Variants in SORCS2 observed in about 807,000 individuals in gnomAD.
The protein encoded by SORCS2 is sortilin related VPS10 domain containing receptor 2, also known as VPS10 domain-containing receptor SorCS2.
A neutral mutation model predicts 141.6 loss-of-function variants in SORCS2; 100 were observed. The observed-to-expected ratio is 0.71, with a 90% CI of 0.60 to 0.83. The LOEUF is 0.83. Ranked by LOEUF, SORCS2 falls within the 40% of genes least tolerant of loss-of-function variation. The pLI is 0.00. For synonymous variants in SORCS2, 789 were observed against 676.9 expected (o/e 1.17, Z -2.57); for missense variants, 1,646 against 1,560.2 (o/e 1.05, Z -0.93).
rs1712575809 is a variant in SORCS2, at chr4:7,740,454, C to G, written c.*190C>G. 6.7e-6 allele frequency: 4 copies of G among 593,778 alleles called. No homozygotes were observed. Among genetic ancestry groups the G allele is most frequent in the Non-Finnish European group, 1.2e-5 (4 of 332,240 alleles). 36.8% of individuals were successfully genotyped at this position (593,778 alleles called of 1,614,324 possible). On this transcript the variant is annotated 3_prime_UTR_variant, in exon 27 of 27. Transcript: ENST00000507866. ...GGCCCACGGGGGGCCCACGGGACCC[C>G]CCGGGACTCCCCGGACATGGCCCTG...
chr4:7,247,304 A>AT (rs79083234), intron 1 of SORCS2, among the ~76,000 whole-genome samples: 135 of 142,534 alleles, frequency 9.5e-4, no homozygotes, highest in Middle Eastern at 3.5e-3. Context: ...TCTATCTTTA[A>AT]TTTTTTTTTT....
intron 2 of SORCS2, among the ~76,000 whole-genome samples, chr4:7,424,634 G>A (rs1434677856): frequency 2.0e-5 from 3 of 152,250 alleles, no homozygotes; most frequent in African/African-American, 7.2e-5. Context: ...CTAACGTGAC[G>A]TGTGACCCCC....
At chr4:7,605,695 G>A (rs1718012702) in intron 3 of SORCS2, among the ~76,000 whole-genome samples, 1 of 152,082 alleles carries the variant, frequency 6.6e-6, no homozygotes, top group Admixed American at 6.6e-5. Flanking sequence ...GGATGTTTTG[G>A]GATCCCTTGC....
intron 2 of SORCS2, among the ~76,000 whole-genome samples, chr4:7,476,803 T>C (rs1730325749): frequency 6.6e-6 from 1 of 152,200 alleles, no homozygotes; most frequent in South Asian, 2.1e-4. Flanking sequence ...TCCACGACTC[T>C]GGTCATCATT....
At chr4:7,574,837 G>T (rs936431061) in intron 3 of SORCS2, among the ~76,000 whole-genome samples, 3 of 152,196 alleles carry the variant, frequency 2.0e-5, no homozygotes, top group African/African-American at 7.2e-5. Context: ...GGGATGACTT[G>T]AGTGAAGGAG....
chr4:7,544,950 A>G (rs1713129135), intron 3 of SORCS2, among the ~76,000 whole-genome samples: 1 of 152,182 alleles, frequency 6.6e-6, no homozygotes, highest in South Asian at 2.1e-4. Context: ...ATCCCTTCCA[A>G]TCAGCGATGT....
rs548818343 is a variant in SORCS2, at chr4:7,660,653, G to A, written c.888-847G>A. ...CTGGGCAGGAGCCTGAGACTGCCCT[G>A]GTCTGAGCCATGTTGCCTCAGGCAA... On this transcript the variant is annotated intron_variant, in intron 5 of 26. Coordinates refer to ENST00000507866, the MANE Select transcript of SORCS2 (RefSeq NM_020777.3). Among the ~76,000 whole-genome samples the A allele has an allele frequency of 5.9e-5, 9 of 152,302 alleles. No homozygotes were observed. The South Asian group carries it at 1.9e-3, about 32-fold the overall frequency.
At chr4:7,390,092 A>G (rs1577488146) in intron 1 of SORCS2, among the ~76,000 whole-genome samples, 1 of 152,320 alleles carries the variant, frequency 6.6e-6, no homozygotes, top group Middle Eastern at 3.4e-3. Flanking sequence ...TGTGCAGCTT[A>G]GCCAGGGAGA....
intron 1 of SORCS2, among the ~76,000 whole-genome samples, chr4:7,247,409 T>C (rs969267104): frequency 1.3e-5 from 2 of 152,190 alleles, no homozygotes; most frequent in Non-Finnish European, 2.9e-5. Flanking sequence ...TTGGAATGAA[T>C]AAACAATGCA....
chr4:7,601,915 A>G (rs184284567), intron 3 of SORCS2, among the ~76,000 whole-genome samples: 6,344 of 152,304 alleles, frequency 0.042, 244 homozygotes, highest in East Asian at 0.15. Context: ...AACAAAGCAC[A>G]TCTTGCACCG....
In SORCS2 at chr4:7,541,528, C is replaced by T. The variant is rs576308665; in HGVS notation, c.648+9899C>T. 9.5e-4 allele frequency among the ~76,000 whole-genome samples: 145 copies of T among 152,332 alleles called. 1 individual carries two copies. Among genetic ancestry groups the T allele is most frequent in the African/African-American group, 2.8e-3 (115 of 41,574 alleles). On this transcript the variant is annotated intron_variant, in intron 3 of 26. Coordinates refer to ENST00000507866, the MANE Select transcript of SORCS2 (RefSeq NM_020777.3). ...TCAGGAGGGGCGATCACTCAGGAGC[C>T]CTGAGCCAGGCTTGCTTATGGGCAG...
At chr4:7,255,335 G>C (rs1713783335) in intron 1 of SORCS2, among the ~76,000 whole-genome samples, 1 of 152,144 alleles carries the variant, frequency 6.6e-6, no homozygotes, top group Admixed American at 6.5e-5. Context: ...GGAGATCCTT[G>C]TTCATCTTCA....
intron 1 of SORCS2, among the ~76,000 whole-genome samples, chr4:7,205,607 G>T (rs1727687448): frequency 1.3e-5 from 2 of 152,216 alleles, no homozygotes; most frequent in Admixed American, 1.3e-4. Context: ...TGATACATTT[G>T]TGACTTGTTG....
chr4:7,465,905 A>G (rs1374923218), intron 2 of SORCS2, among the ~76,000 whole-genome samples: 5 of 152,188 alleles, frequency 3.3e-5, no homozygotes, highest in Admixed American at 2.6e-4. Flanking sequence ...CGTTTTGCAG[A>G]TGAGGAAACA....
intron 12 of SORCS2, among the ~76,000 whole-genome samples, chr4:7,699,202 C>T (rs962782742): frequency 6.6e-6 from 1 of 152,130 alleles, no homozygotes. Flanking sequence ...CTCTCCCCAC[C>T]CGGCCCTGCT....
At chr4:7,632,962 C>A (rs955171145) in intron 3 of SORCS2, among the ~76,000 whole-genome samples, 1 of 152,162 alleles carries the variant, frequency 6.6e-6, no homozygotes, top group Non-Finnish European at 1.5e-5. Context: ...GGGTGCTCAA[C>A]AAGCAGATAA....
At chr4:7,693,602 A>G (rs1412865016) in intron 11 of SORCS2, among the ~76,000 whole-genome samples, 1 of 152,168 alleles carries the variant, frequency 6.6e-6, no homozygotes, top group Non-Finnish European at 1.5e-5. Context: ...AGGATCCAAC[A>G]CAGAGCAGAG....
intron 1 of SORCS2, among the ~76,000 whole-genome samples, chr4:7,371,268 C>T (rs1307017065): frequency 6.6e-6 from 1 of 152,178 alleles, no homozygotes; most frequent in African/African-American, 2.4e-5. Context: ...CGTCCCGCAG[C>T]TGCCTGCGCC....
chr4:7,301,882 A>G (rs1717457245), intron 1 of SORCS2, among the ~76,000 whole-genome samples: 1 of 152,174 alleles, frequency 6.6e-6, no homozygotes, highest in Non-Finnish European at 1.5e-5. Flanking sequence ...TCTTGGATAA[A>G]TCCAATATTC....
Sources: gnomAD v4.1 joint callset for allele counts (sites outside exome capture counted in the v4.1 genomes callset) on GRCh38, gnomAD v4.1.1 for gene constraint, MANE v1.5 for transcripts, NCBI Gene and HGNC (gene_info 2026-07-23, HGNC 2026-07-21) for gene names.